CNTLN: variants seen among roughly 807,000 people sequenced by gnomAD.
The protein encoded by CNTLN is centlein, centrosomal protein.
A neutral mutation model predicts 180.0 loss-of-function variants in CNTLN; 212 were observed. The observed-to-expected ratio is 1.18, with a 90% confidence interval of 1.05 to 1.32. CNTLN has a LOEUF of 1.32. CNTLN is among the 40% of genes most tolerant of loss of function. The pLI is 0.00. For synonymous variants in CNTLN, 722 were observed against 563.1 expected (o/e 1.28, Z -3.99); for missense variants, 2,095 against 1,610.9 (o/e 1.30, Z -5.14).
chr9:17,255,846 G>T (rs1369110629), intron 5 of CNTLN, among the ~76,000 whole-genome samples: 2 of 151,768 alleles, frequency 1.3e-5, no homozygotes, highest in Non-Finnish European at 2.9e-5. Context: ...TTACTGTTCT[G>T]TCAGATTTTC....
chr9:17,480,030 T>C (rs1053415750), intron 23 of CNTLN, among the ~76,000 whole-genome samples: 2 of 152,118 alleles, frequency 1.3e-5, no homozygotes, highest in Non-Finnish European at 2.9e-5. Flanking sequence ...CATATATTTA[T>C]TTCACAGAAA....
At chr9:17,178,546 C>T (rs144411197) in intron 2 of CNTLN, among the ~76,000 whole-genome samples, 4 of 152,078 alleles carry the variant, frequency 2.6e-5, no homozygotes, top group African/African-American at 7.2e-5. Flanking sequence ...TCAGGCATGG[C>T]GAATTGCAGG....
At chr9:17,401,045 C>A (rs1826933725) in intron 15 of CNTLN, among the ~76,000 whole-genome samples, 1 of 152,140 alleles carries the variant, frequency 6.6e-6, no homozygotes, top group Non-Finnish European at 1.5e-5. Context: ...CCTGATTCTT[C>A]TGTGTTCTCC....
At chr9:17,504,258 C>T (rs1348965598), downstream of CNTLN, among the ~76,000 whole-genome samples, 1 of 151,932 alleles carries the variant, frequency 6.6e-6, no homozygotes, top group African/African-American at 2.4e-5. Flanking sequence ...CACTGTATAC[C>T]CAAAGAATGC....
chr9:17,466,247 G>A (rs1831740754), intron 22 of CNTLN, 129 bp downstream of exon 22: 1 of 697,684 alleles, frequency 1.4e-6, no homozygotes, highest in Non-Finnish European at 2.4e-6. Flanking sequence ...GTGCAAAGAG[G>A]ATTTGTATCT....
intron 2 of CNTLN, among the ~76,000 whole-genome samples, chr9:17,205,368 T>C (rs541512189): frequency 6.6e-6 from 1 of 152,194 alleles, no homozygotes; most frequent in South Asian, 2.1e-4. Flanking sequence ...AATAAGCAAA[T>C]TGCATTGGGA....
intron 18 of CNTLN, among the ~76,000 whole-genome samples, chr9:17,449,635 A>T (rs111731207): frequency 1.3e-5 from 2 of 152,218 alleles, no homozygotes; most frequent in Non-Finnish European, 2.9e-5. Context: ...TTGAAAGTCA[A>T]TTGTATTAGT....
At chr9:17,311,199 A>G (rs1463263068) in intron 8 of CNTLN, among the ~76,000 whole-genome samples, 3 of 151,422 alleles carry the variant, frequency 2.0e-5, no homozygotes, top group Non-Finnish European at 4.4e-5. Flanking sequence ...TAATCTTTTT[A>G]TTTTTAGTAT....
chr9:17,315,451 G>A (rs1819475765), intron 8 of CNTLN, among the ~76,000 whole-genome samples: 1 of 151,982 alleles, frequency 6.6e-6, no homozygotes, highest in Non-Finnish European at 1.5e-5. Context: ...CAATGTGGTA[G>A]TGTTTCTCCT....
rs545749543 is a variant in CNTLN, at chr9:17,241,979, T to C, written c.849+5391T>C. ...TCTTCAGGTTTTTCCAAATATAAGA[T>C]TATATCATTGGCAAACAAGGATGAT... On this transcript the variant is annotated intron_variant, in intron 5 of 25. Transcript: ENST00000380647. 1.6e-4 allele frequency among the ~76,000 whole-genome samples: 25 copies of C among 152,310 alleles called. No homozygotes were observed. In the South Asian group the frequency reaches 5.2e-3, roughly 32 times the overall value.
Position 17,199,181 on chromosome 9 carries a change from G to T in CNTLN, c.450-27022G>T, listed in dbSNP as rs148115370. Among the ~76,000 whole-genome samples the T allele has an allele frequency of 7.0e-4, 102 of 145,986 alleles. 3 individuals carry two copies. The East Asian group carries it at 0.02, about 28-fold the overall frequency. On this transcript the variant is annotated intron_variant, in intron 2 of 25. Coordinates refer to ENST00000380647, the MANE Select transcript of CNTLN (RefSeq NM_017738.4). ...AGCATTCCAATTTCACTGCAGCCTC[G>T]CCAGCATCTGTTGTTTCTTGACTTT... is the stretch of plus-strand genomic sequence containing the variant.
intron 15 of CNTLN, 67 bp downstream of exon 15, chr9:17,395,136 A>G: frequency 6.7e-7 from 1 of 1,492,840 alleles, no homozygotes; most frequent in Admixed American, 2.3e-5. Context: ...TAGCAAATGG[A>G]GATTGAATTT....
chr9:17,376,546 G>T (rs1824784156), intron 13 of CNTLN, among the ~76,000 whole-genome samples: 1 of 151,752 alleles, frequency 6.6e-6, no homozygotes, highest in Non-Finnish European at 1.5e-5. Flanking sequence ...CCGCCTCCCG[G>T]GTTCACGCCG....
intron 2 of CNTLN, among the ~76,000 whole-genome samples, chr9:17,177,417 A>AC (rs1292578726): frequency 2.6e-5 from 4 of 152,002 alleles, no homozygotes; most frequent in African/African-American, 7.2e-5. Context: ...TCAAAAAAAA[A>AC]AAAATTATTT....
At chr9:17,524,304 G>A in the CNTLN span, among the ~76,000 whole-genome samples, 2 of 152,322 alleles carry the variant, frequency 1.3e-5, no homozygotes, top group Non-Finnish European at 2.9e-5. Flanking sequence ...GATAACTGAT[G>A]ATGTACTACC....
In CNTLN at chr9:17,306,145, TA is replaced by T. The variant is rs940871734; in HGVS notation, c.1147-2912del. On this transcript the variant is annotated intron_variant, in intron 7 of 25. Coordinates refer to ENST00000380647, the MANE Select transcript of CNTLN (RefSeq NM_017738.4). ...CACAAGAAGGGTGCTATTAGTCGTCTATTTTTTTTTTTTTTTTTTTTTGAGT... is the reference window on the plus strand; with the variant it reads ...CACAAGAAGGGTGCTATTAGTCGTCTTTTTTTTTTTTTTTTTTTTTTGAGT... 2.5e-4 allele frequency among the ~76,000 whole-genome samples: 35 copies of T among 140,012 alleles called. No homozygotes were observed. In the East Asian group the frequency reaches 5.7e-3, roughly 23 times the overall value. 91.9% of individuals were successfully genotyped at this position (140,012 alleles called of 152,430 possible).
intron 15 of CNTLN, among the ~76,000 whole-genome samples, chr9:17,406,973 A>C (rs1044647781): frequency 6.7e-6 from 1 of 148,564 alleles, no homozygotes; most frequent in Non-Finnish European, 1.5e-5. Context: ...TTTGGCCATT[A>C]CATATTGAAT....
intron 7 of CNTLN, chr9:17,299,886 G>C (rs1818227410): frequency 4.1e-6 from 3 of 736,090 alleles, no homozygotes; most frequent in Admixed American, 1.3e-4. Flanking sequence ...CTATAATTGG[G>C]TGGCTTTCTT....
intron 18 of CNTLN, among the ~76,000 whole-genome samples, chr9:17,435,708 G>A (rs1340200622): frequency 3.3e-5 from 5 of 152,092 alleles, no homozygotes; most frequent in African/African-American, 1.2e-4. Flanking sequence ...GATTACAGGT[G>A]CATGCCAACA....
Sources: allele counts gnomAD v4.1 joint callset (sites outside exome capture counted in the v4.1 genomes callset), GRCh38; gene constraint gnomAD v4.1.1; transcripts MANE v1.5; gene names NCBI Gene and HGNC (gene_info 2026-07-23, HGNC 2026-07-21).